The following DCLK2 variants were observed in gnomAD, a reference collection of about 807,000 sequenced individuals.
DCLK2 encodes doublecortin like kinase 2.
In DCLK2, 31 loss-of-function variants were observed where a neutral mutation model predicts 78.4. The observed-to-expected ratio is 0.40, with a 90% CI of 0.30 to 0.53. DCLK2 has a LOEUF of 0.53. DCLK2 is among the 20% of genes least tolerant of loss of function. The pLI is 0.61. For synonymous variants in DCLK2, 407 were observed against 374.9 expected, an observed-to-expected ratio of 1.09 and a Z score of -0.99; for missense variants, 872 against 973.7, an observed-to-expected ratio of 0.90 and a Z score of 1.39.
At chr4:150,185,997 T>G (rs1348533456) in intron 2 of DCLK2, among the ~76,000 whole-genome samples, 1 of 152,200 alleles carries the variant, frequency 6.6e-6, no homozygotes, top group East Asian at 1.9e-4. Flanking sequence ...CATTAGATCC[T>G]AACTGATTGC....
intron 2 of DCLK2, among the ~76,000 whole-genome samples, chr4:150,155,028 C>G (rs1470841221): frequency 6.6e-6 from 1 of 152,016 alleles, no homozygotes; most frequent in African/African-American, 2.4e-5. Flanking sequence ...CCTAGGAGTT[C>G]AAGGCTAGCT....
At chr4:150,085,543 G>A (rs1189764336) in intron 1 of DCLK2, among the ~76,000 whole-genome samples, 1 of 152,062 alleles carries the variant, frequency 6.6e-6, no homozygotes, top group Non-Finnish European at 1.5e-5. Context: ...CCTCTTCAAG[G>A]CCTCACTTGT....
intron 2 of DCLK2, among the ~76,000 whole-genome samples, chr4:150,174,423 G>A (rs1318990494): frequency 6.6e-6 from 1 of 152,124 alleles, no homozygotes; most frequent in African/African-American, 2.4e-5. Flanking sequence ...TTCACAACGT[G>A]CCTTCCATGC....
intron 2 of DCLK2, among the ~76,000 whole-genome samples, chr4:150,178,915 TAAGA>T (rs947974971): frequency 2.0e-5 from 3 of 152,230 alleles, no homozygotes. Flanking sequence ...TAGGGGCTGC[TAAGA>T]AAGAGATTAA....
At chr4:150,250,777 A>G (rs556089840) in intron 15 of DCLK2, among the ~76,000 whole-genome samples, 2 of 151,476 alleles carry the variant, frequency 1.3e-5, no homozygotes, top group East Asian at 2.0e-4. Flanking sequence ...CTCATGGTAC[A>G]TGGTTGTCTG....
chr4:150,167,501 G>A (rs72730391), intron 2 of DCLK2, among the ~76,000 whole-genome samples: 22,771 of 152,110 alleles, frequency 0.15, 2,173 homozygotes, highest in South Asian at 0.43. Context: ...AGATCTTACC[G>A]TTATCCACAC....
At chr4:150,229,622 T>C (rs1741887746) in intron 8 of DCLK2, among the ~76,000 whole-genome samples, 1 of 152,068 alleles carries the variant, frequency 6.6e-6, no homozygotes, top group Non-Finnish European at 1.5e-5. Context: ...GAGAGTTGTT[T>C]TGTCTCCTAT....
chr4:150,125,890 CA>C (rs1013102160), intron 2 of DCLK2, among the ~76,000 whole-genome samples: 16 of 148,966 alleles, frequency 1.1e-4, no homozygotes, highest in African/African-American at 3.4e-4. Flanking sequence ...AATTTTGTCT[CA>C]AAAAAAAACC....
At chr4:150,084,262 A>G (rs1278869663) in intron 1 of DCLK2, among the ~76,000 whole-genome samples, 1 of 152,250 alleles carries the variant, frequency 6.6e-6, no homozygotes, top group Non-Finnish European at 1.5e-5. Flanking sequence ...TAAATAACTC[A>G]GACAATGATT....
chr4:150,203,239 AC>A (rs1159456381), intron 4 of DCLK2, among the ~76,000 whole-genome samples: 1 of 152,224 alleles, frequency 6.6e-6, no homozygotes, highest in Non-Finnish European at 1.5e-5. Context: ...AATGTTTTTC[AC>A]AGACTTTGAG....
chr4:150,237,560 A>G (rs970981858), intron 10 of DCLK2, among the ~76,000 whole-genome samples: 3 of 152,204 alleles, frequency 2.0e-5, no homozygotes, highest in African/African-American at 7.2e-5. Context: ...AGGACATCAC[A>G]GGTAAGGGAG....
At chr4:150,229,881 T>C (rs1436867789) in intron 8 of DCLK2, among the ~76,000 whole-genome samples, 1 of 152,228 alleles carries the variant, frequency 6.6e-6, no homozygotes, top group Non-Finnish European at 1.5e-5. Context: ...ATATTATATT[T>C]AGAAATATTC....
chr4:150,240,196 C>A (rs1201289292), intron 11 of DCLK2, among the ~76,000 whole-genome samples: 1 of 152,202 alleles, frequency 6.6e-6, no homozygotes, highest in African/African-American at 2.4e-5. Flanking sequence ...GAGAGTATGG[C>A]AGTAGTCACC....
At chr4:150,091,264 C>T (rs923320735) in intron 1 of DCLK2, among the ~76,000 whole-genome samples, 4 of 152,112 alleles carry the variant, frequency 2.6e-5, no homozygotes, top group African/African-American at 7.2e-5. Context: ...CAAATATGCT[C>T]GAATATCTTT....
In DCLK2 at chr4:150,256,836, G is replaced by A. The variant is rs147364332; in HGVS notation, c.*589G>A. On this transcript the variant is annotated 3_prime_UTR_variant, in exon 16 of 16. Transcript: ENST00000296550. Reference sequence around the variant, plus strand: ...ATTTGGTCATTGGACACGGATTGCAGGCTTTGAGAAGCGCTCAGAGGCCCA... The same window carrying A: ...ATTTGGTCATTGGACACGGATTGCAAGCTTTGAGAAGCGCTCAGAGGCCCA... The A allele has an allele frequency of 6.6e-6, 1 of 152,560 alleles. No individual in the cohort carries two copies. Among genetic ancestry groups the A allele is most frequent in the East Asian group, 1.9e-4 (1 of 5,186 alleles). The allele number at this position is 152,560 out of a possible 1,614,324, so 9.5% of individuals were successfully genotyped here. A position where few individuals can be genotyped will look rare whatever the true frequency, so the allele number is the denominator to read the frequency against.
intron 2 of DCLK2, among the ~76,000 whole-genome samples, chr4:150,113,362 C>T (rs887710021): frequency 6.6e-6 from 1 of 152,106 alleles, no homozygotes; most frequent in African/African-American, 2.4e-5. Context: ...GGCTGTGAAT[C>T]TATCTGGCCC....
chr4:150,245,881 A>C lies in DCLK2; in HGVS notation c.1779-1722A>C, dbSNP rs567484864. ...TCAAGGATCCAGAACTAGAAATACC[A>C]TTTGACCCAGCCATCCCATTACTGG... On this transcript the variant is annotated intron_variant, in intron 12 of 15. Coordinates refer to ENST00000296550, the MANE Select transcript of DCLK2 (RefSeq NM_001040260.4). Among the ~76,000 whole-genome samples the C allele has an allele frequency of 4.6e-5, 7 of 152,294 alleles. No homozygotes were observed. The East Asian group carries it at 1.3e-3, about 29-fold the overall frequency.
intron 15 of DCLK2, among the ~76,000 whole-genome samples, chr4:150,255,610 AC>A (rs1744503403): frequency 1.3e-5 from 2 of 152,234 alleles, no homozygotes; most frequent in Non-Finnish European, 2.9e-5. Flanking sequence ...CATGCGGGTA[AC>A]TTTTCAATCT....
intron 15 of DCLK2, among the ~76,000 whole-genome samples, chr4:150,251,753 T>TCCCCACACA (rs1228523670): frequency 1.2e-5 from 1 of 82,592 alleles, no homozygotes; most frequent in African/African-American, 4.9e-5. Flanking sequence ...CACCCCACAT[T>TCCCCACACA]CCCCACACAC....
Sources: allele counts gnomAD v4.1 joint callset (sites outside exome capture counted in the v4.1 genomes callset), GRCh38; gene constraint gnomAD v4.1.1; transcripts MANE v1.5; gene names NCBI Gene and HGNC (gene_info 2026-07-23, HGNC 2026-07-21).